The following SYN2 variants were observed in gnomAD, a reference collection of about 807,000 sequenced individuals.
SYN2 encodes the protein synapsin II, also known as synapsin-2.
A neutral mutation model predicts 50.9 loss-of-function variants in SYN2; 19 were observed. The ratio of observed to expected loss-of-function variants is 0.37; its 90% CI spans 0.26 to 0.55. The LOEUF (loss-of-function observed/expected upper bound fraction) is 0.55, where lower values mean the gene tolerates loss of function less well. SYN2 is among the 20% of genes least tolerant of loss of function. SYN2 has a pLI of 0.81. For missense variants in SYN2, 587 were observed against 576.4 expected (o/e 1.02, Z -0.19); for synonymous variants, 255 against 224.9 (o/e 1.13, Z -1.20).
At chr3:12,078,869 C>A (rs1447636640) in intron 1 of SYN2, among the ~76,000 whole-genome samples, 1 of 152,138 alleles carries the variant, frequency 6.6e-6, no homozygotes, top group Non-Finnish European at 1.5e-5. Flanking sequence ...ATGGGAATAG[C>A]ATTGAATCTA....
At chr3:12,179,545 C>G (rs376823250) in intron 10 of SYN2, among the ~76,000 whole-genome samples, 18 of 152,092 alleles carry the variant, frequency 1.2e-4, no homozygotes, top group South Asian at 4.1e-4. Flanking sequence ...CAAGCCAGCC[C>G]TTGACACTAT....
chr3:12,007,387 A>T (rs1693821933), intron 1 of SYN2, among the ~76,000 whole-genome samples: 2 of 148,330 alleles, frequency 1.3e-5, no homozygotes, highest in Non-Finnish European at 2.9e-5. Context: ...TGCTCTTCTA[A>T]TATGGGCCTA....
chr3:12,004,442 T>G lies in SYN2; in HGVS notation c.-110T>G. Reference sequence around the variant, plus strand: ...TGCCGGGGCCTGAGTCTCTGCTGGCTAAGCCGCCGCCTCAGCCGCCTCAGT... The same window carrying G: ...TGCCGGGGCCTGAGTCTCTGCTGGCGAAGCCGCCGCCTCAGCCGCCTCAGT... On this transcript the variant is annotated 5_prime_UTR_variant, in exon 1 of 13. Transcript: ENST00000621198. 3.4e-6 allele frequency: 1 copy of G among 291,186 alleles called. No homozygotes were observed. Among genetic ancestry groups the G allele is most frequent in the Non-Finnish European group, 6.7e-6 (1 of 148,716 alleles). 18.0% of individuals were successfully genotyped at this position (291,186 alleles called of 1,614,324 possible).
At chr3:12,141,238 A>T (rs890339745) in intron 2 of SYN2, among the ~76,000 whole-genome samples, 1 of 151,046 alleles carries the variant, frequency 6.6e-6, no homozygotes, top group Admixed American at 6.6e-5. Flanking sequence ...CCTTTGCTTC[A>T]TAATAAATAG....
At chr3:12,054,854 C>A (rs139569711) in intron 1 of SYN2, among the ~76,000 whole-genome samples, 2 of 152,102 alleles carry the variant, frequency 1.3e-5, no homozygotes, top group East Asian at 3.9e-4. Flanking sequence ...AAATTATTAA[C>A]CCATACATTT....
chr3:12,014,808 A>C (rs6776447), intron 1 of SYN2, among the ~76,000 whole-genome samples: 1 of 151,976 alleles, frequency 6.6e-6, no homozygotes, highest in South Asian at 2.1e-4. Flanking sequence ...TGTTTTTTCA[A>C]CTGCAAAGTG....
chr3:12,044,816 G>A (rs1694700119), intron 1 of SYN2, among the ~76,000 whole-genome samples: 1 of 152,158 alleles, frequency 6.6e-6, no homozygotes, highest in African/African-American at 2.4e-5. Context: ...TAGGACTTCA[G>A]AACCAGAGAG....
intron 5 of SYN2, chr3:12,158,585 A>G (rs1460421102): frequency 3.4e-6 from 5 of 1,463,258 alleles, no homozygotes; most frequent in Non-Finnish European, 4.6e-6. Context: ...TCAGCAAGAG[A>G]CAACCGGTAA....
At chr3:12,050,767 C>T (rs1423174699) in intron 1 of SYN2, among the ~76,000 whole-genome samples, 13 of 111,954 alleles carry the variant, frequency 1.2e-4, no homozygotes, top group Admixed American at 1.4e-4. Flanking sequence ...CTCGCTCTGT[C>T]GCCCAGGCCG....
At chr3:12,183,685 C>A in intron 11 of SYN2, 1 of 1,314,588 alleles carries the variant, frequency 7.6e-7, no homozygotes, top group Non-Finnish European at 9.7e-7. Flanking sequence ...TGTTTGTCAA[C>A]AGTATACAAA....
chr3:12,160,226 T>C (rs944774356), intron 5 of SYN2, among the ~76,000 whole-genome samples: 8 of 152,088 alleles, frequency 5.3e-5, no homozygotes, highest in Non-Finnish European at 8.8e-5. Context: ...AGTGGGAGGC[T>C]GGGTTCCAAT....
chr3:12,115,159 A>C (rs1696405653), intron 1 of SYN2, among the ~76,000 whole-genome samples: 1 of 152,214 alleles, frequency 6.6e-6, no homozygotes, highest in African/African-American at 2.4e-5. Flanking sequence ...TCTAGAGTAG[A>C]CTCAGTCAGG....
At chr3:12,155,632 C>T (rs1250748537) in intron 5 of SYN2, among the ~76,000 whole-genome samples, 1 of 152,218 alleles carries the variant, frequency 6.6e-6, no homozygotes, top group Non-Finnish European at 1.5e-5. Flanking sequence ...GAGCTTTCAA[C>T]ACCAGGCAAA....
At chr3:12,135,516 G>A (rs1462670389) in intron 1 of SYN2, among the ~76,000 whole-genome samples, 1 of 152,184 alleles carries the variant, frequency 6.6e-6, no homozygotes, top group Non-Finnish European at 1.5e-5. Context: ...TCTGGAGTAT[G>A]TGAATCCATC....
At chr3:12,176,278 A>G (rs1698066433) in intron 10 of SYN2, among the ~76,000 whole-genome samples, 1 of 152,234 alleles carries the variant, frequency 6.6e-6, no homozygotes. Context: ...ATGCCAGTAA[A>G]GATGGCATCT....
chr3:12,136,359 C>T (rs182005388), intron 1 of SYN2, among the ~76,000 whole-genome samples: 2 of 152,314 alleles, frequency 1.3e-5, no homozygotes, highest in East Asian at 3.9e-4. Flanking sequence ...TAGTACATCA[C>T]AGGTGTTCAC....
At chr3:12,014,391 A>G (rs1345752181) in intron 1 of SYN2, among the ~76,000 whole-genome samples, 1 of 152,224 alleles carries the variant, frequency 6.6e-6, no homozygotes, top group Non-Finnish European at 1.5e-5. Context: ...CTTCAAATAT[A>G]AGCTTTAGAA....
chr3:12,053,218 C>T (rs769371135), intron 1 of SYN2, among the ~76,000 whole-genome samples: 2 of 151,974 alleles, frequency 1.3e-5, no homozygotes, highest in Non-Finnish European at 2.9e-5. Flanking sequence ...GTTAGGAGTT[C>T]GAGACTAGCC....
chr3:12,125,079 A>G (rs1031028245), intron 1 of SYN2, among the ~76,000 whole-genome samples: 2 of 151,882 alleles, frequency 1.3e-5, no homozygotes, highest in African/African-American at 2.4e-5. Context: ...CAATGGCACA[A>G]TCTTGGCTCA....
Sources: allele counts gnomAD v4.1 joint callset (sites outside exome capture counted in the v4.1 genomes callset), GRCh38; gene constraint gnomAD v4.1.1; transcripts MANE v1.5; gene names NCBI Gene and HGNC (gene_info 2026-07-23, HGNC 2026-07-21).